Variants in EML4 observed in about 807,000 individuals in gnomAD.
EML4 encodes echinoderm microtubule-associated protein-like 4.
In EML4, 72 loss-of-function variants were observed where a neutral mutation model predicts 129.0. The ratio of observed to expected loss-of-function variants is 0.56; its 90% confidence interval spans 0.46 to 0.68. The LOEUF (loss-of-function observed/expected upper bound fraction) is 0.68, where lower values mean the gene tolerates loss of function less well. Ranked by LOEUF, EML4 falls within the 30% of genes least tolerant of loss-of-function variation. EML4 has a pLI of 0.00. For synonymous variants in EML4, 532 were observed against 405.0 expected (o/e 1.31, Z -3.77); for missense variants, 1,363 against 1,190.6 (o/e 1.14, Z -2.13).
chr2:42,274,012 T>C (rs1185893741), intron 6 of EML4, among the ~76,000 whole-genome samples: 1 of 152,186 alleles, frequency 6.6e-6, no homozygotes, highest in African/African-American at 2.4e-5. Context: ...GATTTTAGCC[T>C]TCCAAAAATG....
intron 17 of EML4, among the ~76,000 whole-genome samples, chr2:42,307,722 C>T (rs1165658509): frequency 2.0e-5 from 3 of 152,170 alleles, no homozygotes; most frequent in African/African-American, 7.2e-5. Context: ...GGCATGATCC[C>T]AGTTCACTGT....
In EML4 at chr2:42,292,807, A is replaced by G. The variant is rs923631837; in HGVS notation, c.1219-2318A>G. Among the ~76,000 whole-genome samples, 20 of 152,322 alleles carry G rather than the reference A, an allele frequency of 1.3e-4. 1 individual carries two copies. The highest frequency in any genetic ancestry group is 3.8e-4 in the African/African-American group (16 of 41,578). On this transcript the variant is annotated intron_variant, in intron 11 of 22. Transcript: ENST00000318522. Reference sequence around the variant, plus strand: ...TTAAAAGGATATATCCTGTAAGGCAATACTCATACGCAAAGTGATTTAAAC... The same window carrying G: ...TTAAAAGGATATATCCTGTAAGGCAGTACTCATACGCAAAGTGATTTAAAC...
chr2:42,245,112 T>TTTTTTTTTTTTTTTTTTTTTA, intron 1 of EML4, among the ~76,000 whole-genome samples: 1 of 142,530 alleles, frequency 7.0e-6, no homozygotes, highest in African/African-American at 2.6e-5. Context: ...TTTTTTTTTT[T>TTTTTTTTTTTTTTTTTTTTTA]GAGACAGACT....
chr2:42,274,910 C>G (rs942259722), intron 6 of EML4, among the ~76,000 whole-genome samples: 1 of 152,186 alleles, frequency 6.6e-6, no homozygotes, highest in Admixed American at 6.5e-5. Flanking sequence ...AACAATCACT[C>G]TTTCCAAAGA....
At chr2:42,194,343 C>G (rs1176902513) in intron 1 of EML4, among the ~76,000 whole-genome samples, 1 of 102,374 alleles carries the variant, frequency 9.8e-6, no homozygotes, top group African/African-American at 3.9e-5. Flanking sequence ...ACTTCTCTCT[C>G]TCTCTTTTTT....
intron 2 of EML4, among the ~76,000 whole-genome samples, chr2:42,246,549 C>A (rs1014258071): frequency 2.0e-5 from 3 of 152,110 alleles, no homozygotes; most frequent in African/African-American, 7.2e-5. Flanking sequence ...AAATGAGAAG[C>A]AGATTTAGAA....
chr2:42,226,455 C>G (rs1572579704), intron 1 of EML4, among the ~76,000 whole-genome samples: 1 of 118,004 alleles, frequency 8.5e-6, no homozygotes, highest in African/African-American at 2.8e-5. Flanking sequence ...GTCAGGAGAT[C>G]GAGACCATCC....
chr2:42,303,242 A>ATAT lies in EML4; in HGVS notation c.1767+16_1767+18dup. ...AATAGAAGTACAGGTAAGCTGTGTG[A>ATAT]TATTAACCGTTAACTGAATATTTTT... On this transcript the variant is annotated intron_variant, in intron 15 of 22. Coordinates refer to ENST00000318522, the MANE Select transcript of EML4 (RefSeq NM_019063.5). 6.2e-7 allele frequency: 1 copy of ATAT among 1,614,142 alleles called. No homozygotes were observed. Among genetic ancestry groups the ATAT allele is most frequent in the Non-Finnish European group, 8.5e-7 (1 of 1,180,010 alleles).
At chr2:42,253,207 T>C (rs1017228482) in intron 2 of EML4, among the ~76,000 whole-genome samples, 1 of 152,166 alleles carries the variant, frequency 6.6e-6, no homozygotes, top group Non-Finnish European at 1.5e-5. Context: ...GAAATGAACC[T>C]AGACTGGTAG....
At chr2:42,302,989 A>C in intron 14 of EML4, 115 bp from the exon 15 acceptor site, 3 of 935,236 alleles carry the variant, frequency 3.2e-6, no homozygotes, top group Non-Finnish European at 4.9e-6. Flanking sequence ...ACCATATCCA[A>C]ATTTGGGCTT....
chr2:42,264,130 G>A (rs1358026910), intron 5 of EML4, among the ~76,000 whole-genome samples: 10 of 35,146 alleles, frequency 2.8e-4, no homozygotes, highest in Admixed American at 5.7e-4. Flanking sequence ...TTTTTTTTTT[G>A]AGACAGTGTC....
intron 1 of EML4, chr2:42,169,956 C>T (rs1168611048): frequency 6.5e-6 from 2 of 308,278 alleles, no homozygotes; most frequent in East Asian, 5.1e-5. Context: ...ACACTCACGG[C>T]TCCCTCCACT....
At chr2:42,276,024 T>C (rs1470303171) in intron 6 of EML4, among the ~76,000 whole-genome samples, 5 of 152,086 alleles carry the variant, frequency 3.3e-5, no homozygotes, top group South Asian at 2.1e-4. Flanking sequence ...AGTTTTATGA[T>C]TGTAAGATCA....
chr2:42,269,610 C>T (rs1346577665), intron 6 of EML4, among the ~76,000 whole-genome samples: 1 of 152,018 alleles, frequency 6.6e-6, no homozygotes, highest in Non-Finnish European at 1.5e-5. Context: ...TTAGGGAAGA[C>T]ATTTCTGATA....
intron 1 of EML4, among the ~76,000 whole-genome samples, chr2:42,193,280 A>G (rs552917206): frequency 1.3e-5 from 2 of 152,342 alleles, no homozygotes; most frequent in African/African-American, 4.8e-5. Context: ...GTGTAAGTAC[A>G]TTCTGTGATT....
chr2:42,180,838 G>T (rs1206123830), intron 1 of EML4, among the ~76,000 whole-genome samples: 1 of 152,154 alleles, frequency 6.6e-6, no homozygotes. Context: ...GTTGAATTTA[G>T]TTTTCATGTC....
At chr2:42,264,117 T>TTG (rs1665915515) in intron 5 of EML4, among the ~76,000 whole-genome samples, 1 of 140,370 alleles carries the variant, frequency 7.1e-6, no homozygotes, top group South Asian at 2.3e-4. Context: ...TTTTTTTTTT[T>TTG]TTTTTTTTTT....
chr2:42,302,026 G>C, intron 14 of EML4, among the ~76,000 whole-genome samples: 1 of 151,908 alleles, frequency 6.6e-6, no homozygotes. Context: ...TTGATAAAGT[G>C]GGATTTATAA....
intron 11 of EML4, among the ~76,000 whole-genome samples, chr2:42,291,061 A>C (rs1220927345): frequency 6.6e-6 from 1 of 152,248 alleles, no homozygotes; most frequent in African/African-American, 2.4e-5. Flanking sequence ...AACATAGATC[A>C]GTGGAAGAGA....
Sources: allele counts gnomAD v4.1 joint callset (sites outside exome capture counted in the v4.1 genomes callset), GRCh38; gene constraint gnomAD v4.1.1; transcripts MANE v1.5; gene names NCBI Gene and HGNC (gene_info 2026-07-23, HGNC 2026-07-21).